The following FOXO3 variants were observed in gnomAD, a reference collection of about 807,000 sequenced individuals.
FOXO3 encodes the protein forkhead box O3.
In FOXO3, 4 loss-of-function variants were observed where a neutral mutation model predicts 41.9. The observed-to-expected ratio is 0.10, with a 90% confidence interval of 0.05 to 0.22. FOXO3 has a LOEUF of 0.22. Ranked by LOEUF, FOXO3 falls within the 10% of genes least tolerant of loss-of-function variation. FOXO3 has a pLI of 1.00. For missense variants in FOXO3, 534 were observed against 906.8 expected (o/e 0.59, Z 5.28); for synonymous variants, 318 against 389.3 (o/e 0.82, Z 2.16).
chr6:108,642,010 A>AAGC (rs1212502924), intron 1 of FOXO3, among the ~76,000 whole-genome samples: 1 of 152,114 alleles, frequency 6.6e-6, no homozygotes, highest in East Asian at 1.9e-4. Flanking sequence ...TTGAAGCACA[A>AAGC]AGCATTAATT....
In FOXO3 at chr6:108,596,548, G is replaced by A. The variant is rs569558909; in HGVS notation, c.621+34719G>A. Among the ~76,000 whole-genome samples the A allele has an allele frequency of 1.1e-4, 17 of 152,236 alleles. No homozygotes were observed. In the South Asian group the frequency reaches 2.7e-3, roughly 24 times the overall value. The stretch of plus-strand genomic sequence containing the variant: ...GAAGGAAAACATTTGTTTGCCAAGG[G>A]AATGAGAAAGTTTAAGCAGGAAATG... On this transcript the variant is annotated intron_variant, in intron 1 of 2. Transcript: ENST00000406360.
intron 1 of FOXO3, among the ~76,000 whole-genome samples, chr6:108,577,570 C>G (rs1776294951): frequency 6.6e-6 from 1 of 152,184 alleles, no homozygotes. Flanking sequence ...TTCAAAACCA[C>G]CAGTGCCTAG....
intron 1 of FOXO3, among the ~76,000 whole-genome samples, chr6:108,603,539 T>C (rs1777112063): frequency 6.6e-6 from 1 of 152,178 alleles, no homozygotes. Context: ...TATTGGTGAT[T>C]TTAACTTTAA....
At chr6:108,579,332 C>T (rs1467283798) in intron 1 of FOXO3, among the ~76,000 whole-genome samples, 2 of 152,174 alleles carry the variant, frequency 1.3e-5, no homozygotes, top group Non-Finnish European at 2.9e-5. Flanking sequence ...CACCAAGATT[C>T]CTGGGAAGGG....
rs1372891216 is a variant in FOXO3 at position 108,682,389 on chromosome 6, T to C, written c.*2597T>C. On this transcript the variant is annotated 3_prime_UTR_variant, in exon 3 of 3. Transcript: ENST00000406360. ...GAGGGAATGCTTTGGTTTTTTGTTT[T>C]GTTTTGTTTTTTCTTTTTCAAGTAA... 1.3e-5 allele frequency: 2 copies of C among 152,568 alleles called. No individual in the cohort carries two copies. The highest frequency in any genetic ancestry group is 2.9e-5 in the Non-Finnish European group (2 of 68,198). The allele number at this position is 152,568 out of a possible 1,614,324, so 9.5% of individuals were successfully genotyped here.
At chr6:108,592,759 G>A (rs1358752799) in intron 1 of FOXO3, among the ~76,000 whole-genome samples, 1 of 152,142 alleles carries the variant, frequency 6.6e-6, no homozygotes, top group Non-Finnish European at 1.5e-5. Flanking sequence ...TCTGGCATTT[G>A]TCGGCCACAG....
In FOXO3 at chr6:108,570,148, C is replaced by T. The variant is rs143424581; in HGVS notation, c.621+8319C>T. On this transcript the variant is annotated intron_variant, in intron 1 of 2. Transcript: ENST00000406360. ...CCAAGTAGCTGGGACTGCAGGCGTT[C>T]GCCACCACTCCCAGCTAATTTTTTG... is the stretch of plus-strand genomic sequence containing the variant. Among the ~76,000 whole-genome samples, 1,410 of 151,740 alleles carry T rather than the reference C, an allele frequency of 9.3e-3. 21 individuals are homozygous for T. The highest frequency in any genetic ancestry group is 0.032 in the African/African-American group (1,335 of 41,342).
rs971473787 is a variant in FOXO3, at chr6:108,656,432, C to T, written c.622-7023C>T. On this transcript the variant is annotated intron_variant, in intron 1 of 2. Transcript: ENST00000406360. Reference sequence around the variant, plus strand: ...AAATTTAAGAAATTACCAGTTACTTCTGACTGGCACGGCACCTCTGAAATA... The same window carrying T: ...AAATTTAAGAAATTACCAGTTACTTTTGACTGGCACGGCACCTCTGAAATA... The T allele has an allele frequency of 5.1e-6, 5 of 984,948 alleles. No individual in the cohort carries two copies. The African/African-American group carries it at 7.0e-5, about 14-fold the overall frequency. The allele number at this position is 984,948 out of a possible 1,614,324, so 61.0% of individuals were successfully genotyped here.
At chr6:108,583,403 A>G (rs1442812897) in intron 1 of FOXO3, among the ~76,000 whole-genome samples, 2 of 152,152 alleles carry the variant, frequency 1.3e-5, no homozygotes, top group African/African-American at 2.4e-5. Flanking sequence ...TGTAACTTTG[A>G]TGGTTGTGAC....
Position 108,561,531 on chromosome 6 carries a change from C to G in FOXO3, c.323C>G (p.Pro108Arg), listed in dbSNP as rs1396667906. The G allele has an allele frequency of 6.9e-7, 1 of 1,440,962 alleles. No individual in the cohort carries two copies. Among genetic ancestry groups the G allele is most frequent in the Non-Finnish European group, 9.0e-7 (1 of 1,105,086 alleles). The allele number at this position is 1,440,962 out of a possible 1,614,324, so 89.3% of individuals were successfully genotyped here. The change falls in exon 1 of 3, where the codon CCC becomes CGC. Residue 108 changes from proline (P) to arginine (R), a missense_variant. Physicochemically the swap from Pro to Arg is moderately radical, Grantham distance 103. Coordinates refer to ENST00000406360, the MANE Select transcript of FOXO3 (RefSeq NM_001455.4). ...GTGCTGGCACCCGGAGGGCAAGACC[C>G]CGGGTCTGGGCCAGCCACCGCGGCG... ...ARVLAPGGQD[P>R]GSGPATAAGG...
At position 108,561,340 on chromosome 6, in the gene FOXO3, T is replaced by C. The variant is rs1775778019; in HGVS notation, c.132T>C (p.Pro44=). Residue 44 remains proline (P), a synonymous_variant, in exon 1 of 3, where the codon CCT becomes CCC. Coordinates refer to ENST00000406360, the MANE Select transcript of FOXO3 (RefSeq NM_001455.4). ...PLQRPELQAS[P]AKPSGETAAD... ...AAAGGCCGGAGCTCCAAGCGAGCCCTGCCAAGCCCTCGGGGGAGACGGCCG... is the reference window on the plus strand; with the variant it reads ...AAAGGCCGGAGCTCCAAGCGAGCCCCGCCAAGCCCTCGGGGGAGACGGCCG... 2 of 1,569,484 alleles carry C rather than the reference T, an allele frequency of 1.3e-6. No homozygotes were observed. Among genetic ancestry groups the C allele is most frequent in the Non-Finnish European group, 1.7e-6 (2 of 1,160,080 alleles).
chr6:108,618,734 C>G (rs1188134396), intron 1 of FOXO3, among the ~76,000 whole-genome samples: 1 of 152,188 alleles, frequency 6.6e-6, no homozygotes, highest in African/African-American at 2.4e-5. Flanking sequence ...TTCTGGTGCT[C>G]GTATCCCTAA....
intron 2 of FOXO3, among the ~76,000 whole-genome samples, chr6:108,674,261 T>A (rs1017532746): frequency 6.6e-6 from 1 of 152,228 alleles, no homozygotes; most frequent in East Asian, 1.9e-4. Flanking sequence ...AGTGTTTGAG[T>A]TGGCAAAGAG....
At chr6:108,622,304 T>G in intron 1 of FOXO3, among the ~76,000 whole-genome samples, 1 of 149,172 alleles carries the variant, frequency 6.7e-6, no homozygotes, top group Admixed American at 6.7e-5. Context: ...GAGACTTAAG[T>G]TCCTCTTGGA....
intron 1 of FOXO3, among the ~76,000 whole-genome samples, chr6:108,628,025 C>T (rs928138298): frequency 6.6e-6 from 1 of 152,072 alleles, no homozygotes; most frequent in Admixed American, 6.6e-5. Flanking sequence ...GAGATAGAGT[C>T]CCTAAGCCTG....
At chr6:108,621,333 A>C (rs978889759) in intron 1 of FOXO3, among the ~76,000 whole-genome samples, 1 of 152,126 alleles carries the variant, frequency 6.6e-6, no homozygotes, top group African/African-American at 2.4e-5. Flanking sequence ...TGCCTTGCCA[A>C]CTGCCTGCTG....
At chr6:108,628,389 G>A (rs1294351974) in intron 1 of FOXO3, among the ~76,000 whole-genome samples, 2 of 152,162 alleles carry the variant, frequency 1.3e-5, no homozygotes, top group African/African-American at 4.8e-5. Context: ...TGTGTCTCTG[G>A]CTGCGCATAT....
At chr6:108,658,530 G>C (rs1351644363) in intron 1 of FOXO3, among the ~76,000 whole-genome samples, 2 of 152,036 alleles carry the variant, frequency 1.3e-5, no homozygotes, top group Non-Finnish European at 2.9e-5. Context: ...GTTAATATTG[G>C]GGGTGGGAGG....
At position 108,560,959 on chromosome 6, in the gene FOXO3, C is replaced by T. The variant is rs1582719765; in HGVS notation, c.-250C>T. On this transcript the variant is annotated 5_prime_UTR_variant, in exon 1 of 3. Coordinates refer to ENST00000406360, the MANE Select transcript of FOXO3 (RefSeq NM_001455.4). The stretch of plus-strand genomic sequence containing the variant: ...GTTCGCTGGCCGCACGTCTTCAGGT[C>T]CTCCTGTTCCTGGGAGGCGGGCGCG... The T allele has an allele frequency of 6.8e-6, 9 of 1,325,296 alleles. No homozygotes were observed. Among genetic ancestry groups the T allele is most frequent in the Admixed American group, 4.2e-5 (1 of 23,958 alleles). The allele number at this position is 1,325,296 out of a possible 1,614,324, so 82.1% of individuals were successfully genotyped here.
Sources: allele counts gnomAD v4.1 joint callset (sites outside exome capture counted in the v4.1 genomes callset), GRCh38; gene constraint gnomAD v4.1.1; transcripts MANE v1.5; gene names NCBI Gene and HGNC (gene_info 2026-07-23, HGNC 2026-07-21).